RARB: variants seen among roughly 807,000 people sequenced by gnomAD.
RARB encodes the protein retinoic acid receptor beta, also known as HBV-activated protein.
Under a neutral mutation model 51.9 loss-of-function variants are expected in RARB, and 17 were observed. The observed-to-expected ratio is 0.33, with a 90% CI of 0.22 to 0.49. The LOEUF (loss-of-function observed/expected upper bound fraction) is 0.49. RARB is among the 20% of genes least tolerant of loss of function. The probability of loss-of-function intolerance (pLI) is 0.99; values close to 1 mark genes in which losing one functional copy is unlikely to be tolerated. For missense variants in RARB, 369 were observed against 550.8 expected (o/e 0.67, Z 3.30); for synonymous variants, 215 against 195.4 (o/e 1.10, Z -0.84).
At chr3:24,839,792 G>T (rs188154614) in intron 1 of RARB, among the ~76,000 whole-genome samples, 1 of 151,454 alleles carries the variant, frequency 6.6e-6, no homozygotes, top group Non-Finnish European at 1.5e-5. Context: ...AATTATACTC[G>T]TGTTTAGAAC....
intron 5 of RARB, among the ~76,000 whole-genome samples, chr3:25,341,287 CAT>C (rs1238038259): frequency 6.6e-6 from 1 of 152,116 alleles, no homozygotes; most frequent in Non-Finnish European, 1.5e-5. Flanking sequence ...AGTCTGGAAA[CAT>C]AGGTGAATAT....
chr3:25,254,437 A>G (rs942154890), intron 5 of RARB, among the ~76,000 whole-genome samples: 3 of 152,196 alleles, frequency 2.0e-5, no homozygotes, highest in African/African-American at 7.2e-5. Flanking sequence ...TCATCTCTAA[A>G]TGAACTAATA....
At chr3:25,150,983 A>G (rs765733089) in intron 4 of RARB, among the ~76,000 whole-genome samples, 3 of 152,198 alleles carry the variant, frequency 2.0e-5, no homozygotes, top group Non-Finnish European at 2.9e-5. Flanking sequence ...ATGCTAATCT[A>G]TACAATATTT....
At chr3:25,169,624 GAA>G (rs1359588129) in intron 4 of RARB, among the ~76,000 whole-genome samples, 3 of 152,302 alleles carry the variant, frequency 2.0e-5, no homozygotes, top group East Asian at 3.9e-4. Flanking sequence ...GGAGTAAGGA[GAA>G]AGAGGTTTCT....
intron 2 of RARB, among the ~76,000 whole-genome samples, chr3:25,058,208 T>C (rs1698477865): frequency 6.6e-6 from 1 of 151,932 alleles, no homozygotes; most frequent in Admixed American, 6.6e-5. Flanking sequence ...AATGGCAGTA[T>C]AGGTAAAGAA....
chr3:25,249,743 T>C (rs372426569), intron 5 of RARB, among the ~76,000 whole-genome samples: 2 of 123,050 alleles, frequency 1.6e-5, no homozygotes, highest in Non-Finnish European at 3.4e-5. Flanking sequence ...TTTCCTTTCT[T>C]AGTTACATAG....
intron 3 of RARB, among the ~76,000 whole-genome samples, chr3:25,519,641 A>T (rs1054193983): frequency 2.0e-5 from 3 of 152,218 alleles, no homozygotes; most frequent in Non-Finnish European, 2.9e-5. Flanking sequence ...AAAACCCAAA[A>T]TGTCAAAAGT....
intron 5 of RARB, among the ~76,000 whole-genome samples, chr3:25,205,689 A>G (rs1045492821): frequency 6.6e-6 from 1 of 152,198 alleles, no homozygotes; most frequent in African/African-American, 2.4e-5. Context: ...TGCCTCATAA[A>G]TATGTGCATC....
intron 2 of RARB, among the ~76,000 whole-genome samples, chr3:24,966,608 CT>C (rs1696279026): frequency 1.4e-5 from 1 of 70,852 alleles, no homozygotes; most frequent in Non-Finnish European, 3.2e-5. Context: ...TTACATTCAT[CT>C]CTCTCTCTCT....
At chr3:24,860,240 A>T (rs11709276) in intron 2 of RARB, among the ~76,000 whole-genome samples, 47,854 of 152,014 alleles carry the variant, frequency 0.31, 9,506 homozygotes, top group Admixed American at 0.42. Context: ...CACCTGGCGC[A>T]TCTTGGGTGT....
chr3:24,989,481 A>G (rs1178947155), intron 2 of RARB, among the ~76,000 whole-genome samples: 1 of 46,320 alleles, frequency 2.2e-5, no homozygotes, highest in Admixed American at 3.2e-4. Flanking sequence ...CCACTTCCCT[A>G]CATCCTCACA....
chr3:25,217,077 A>G (rs77469835), intron 5 of RARB, among the ~76,000 whole-genome samples: 5,254 of 152,238 alleles, frequency 0.035, 189 homozygotes, highest in African/African-American at 0.096. Context: ...GGAAGCAGCC[A>G]TTGATTCTCA....
chr3:25,003,943 C>T (rs1256142284), intron 2 of RARB, among the ~76,000 whole-genome samples: 2 of 152,120 alleles, frequency 1.3e-5, no homozygotes, highest in Non-Finnish European at 2.9e-5. Flanking sequence ...AACAGATTGG[C>T]CTCATCAGAG....
At chr3:25,340,525 C>T (rs1705197380) in intron 5 of RARB, among the ~76,000 whole-genome samples, 1 of 152,150 alleles carries the variant, frequency 6.6e-6, no homozygotes, top group South Asian at 2.1e-4. Context: ...ATTTTACAAG[C>T]AGCATGGACA....
chr3:24,941,917 T>A (rs1293894023), intron 2 of RARB, among the ~76,000 whole-genome samples: 2 of 152,216 alleles, frequency 1.3e-5, no homozygotes, highest in Non-Finnish European at 2.9e-5. Context: ...TCTTCTCACC[T>A]CATCAGATTT....
At chr3:25,461,845 A>G (rs1179847278) in intron 2 of RARB, among the ~76,000 whole-genome samples, 1 of 152,262 alleles carries the variant, frequency 6.6e-6, no homozygotes, top group African/African-American at 2.4e-5. Context: ...CAGCCAGCCA[A>G]GATCACACCA....
intron 2 of RARB, among the ~76,000 whole-genome samples, chr3:24,914,842 T>A (rs2125382467): frequency 6.6e-6 from 1 of 152,300 alleles, no homozygotes; most frequent in African/African-American, 2.4e-5. Context: ...GATGTGGTAA[T>A]CTCAGTACTA....
At chr3:25,574,609 C>T (rs1452288594) in intron 4 of RARB, among the ~76,000 whole-genome samples, 1 of 152,218 alleles carries the variant, frequency 6.6e-6, no homozygotes, top group Non-Finnish European at 1.5e-5. Context: ...GCGGGCCGCT[C>T]ATCACCAGGT....
At chr3:25,574,654 G>T (rs1312429942) in intron 4 of RARB, among the ~76,000 whole-genome samples, 1 of 152,242 alleles carries the variant, frequency 6.6e-6, no homozygotes, top group Non-Finnish European at 1.5e-5. Flanking sequence ...CCTCCGAGGG[G>T]CTTGTGAATA....
Sources: allele counts gnomAD v4.1 joint callset (sites outside exome capture counted in the v4.1 genomes callset), GRCh38; gene constraint gnomAD v4.1.1; transcripts MANE v1.5; gene names NCBI Gene and HGNC (gene_info 2026-07-23, HGNC 2026-07-21).